The following WNK1 variants were observed in gnomAD, a reference collection of about 807,000 sequenced individuals.
WNK1 encodes the protein WNK lysine deficient protein kinase 1.
WNK1 carries 38 observed loss-of-function variants against 222.8 expected under a neutral mutation model. The ratio of observed to expected loss-of-function variants is 0.17; its 90% CI spans 0.13 to 0.22. The LOEUF is 0.22. Among genes scored for constraint, WNK1 ranks in the 10% least tolerant of loss-of-function variants. The pLI is 1.00. For missense variants in WNK1, 2,348 were observed against 2,918.4 expected, an observed-to-expected ratio of 0.80 and a Z score of 4.50; for synonymous variants, 1,090 against 1,092.9, an observed-to-expected ratio of 1.00 and a Z score of 0.05.
At chr12:840,110 C>T (rs1949507646) in intron 4 of WNK1, among the ~76,000 whole-genome samples, 2 of 151,772 alleles carry the variant, frequency 1.3e-5, no homozygotes, top group Non-Finnish European at 2.9e-5. Flanking sequence ...CAGCCCATGA[C>T]ATAAGTATGG....
At chr12:780,125 G>A (rs527779110) in intron 1 of WNK1, among the ~76,000 whole-genome samples, 2 of 152,114 alleles carry the variant, frequency 1.3e-5, no homozygotes, top group Non-Finnish European at 2.9e-5. Context: ...ATAAACCTTT[G>A]TTTGTAGTAT....
At chr12:873,168 C>T (rs907739326) in intron 9 of WNK1, among the ~76,000 whole-genome samples, 2 of 152,200 alleles carry the variant, frequency 1.3e-5, no homozygotes, top group Admixed American at 6.5e-5. Context: ...CACCAATGAA[C>T]TGAGCAAATT....
chr12:799,896 G>T (rs570110682), intron 1 of WNK1, among the ~76,000 whole-genome samples: 16 of 152,188 alleles, frequency 1.1e-4, no homozygotes, highest in African/African-American at 3.4e-4. Flanking sequence ...TGTTGGCCAG[G>T]CTGTTCTCAA....
Position 880,885 on chromosome 12 carries a change from G to A in WNK1, c.2997G>A (p.Val999=). Residue 999 remains valine, a synonymous_variant, in exon 12 of 28, where the codon GTG becomes GTA. Coordinates refer to ENST00000315939, the MANE Select transcript of WNK1 (RefSeq NM_018979.4). ...TTCCCACAGTGGTGCAGCCTTATGT[G>A]GAATCAAATCTTTTAGTTCCTATGG... ...GYFPTVVQPY[V]ESNLLVPMGG... 6.2e-7 allele frequency: 1 copy of A among 1,614,092 alleles called. No homozygotes were observed.
chr12:874,655 A>T (rs1952452298), intron 9 of WNK1, among the ~76,000 whole-genome samples: 1 of 152,170 alleles, frequency 6.6e-6, no homozygotes, highest in Non-Finnish European at 1.5e-5. Context: ...ACAAATAAGG[A>T]TAATAGCTAA....
intron 25 of WNK1, among the ~76,000 whole-genome samples, chr12:899,933 T>G (rs1187579331): frequency 6.6e-6 from 1 of 151,722 alleles, no homozygotes; most frequent in Non-Finnish European, 1.5e-5. Context: ...CTTACGCTGC[T>G]CAGACATGTG....
At position 884,288 on chromosome 12, in the gene WNK1, C is replaced by A. The variant is rs1953453193; in HGVS notation, c.3844+45C>A. 2 of 1,612,444 alleles carry A rather than the reference C, an allele frequency of 1.2e-6. No homozygotes were observed. Among genetic ancestry groups the A allele is most frequent in the South Asian group, 1.1e-5 (1 of 90,806 alleles). On this transcript the variant is annotated intron_variant, in intron 18 of 27. Coordinates refer to ENST00000315939, the MANE Select transcript of WNK1 (RefSeq NM_018979.4). The surrounding 1 kb of genome is among the most constrained non-coding windows in gnomAD (Gnocchi z 5.6). The stretch of plus-strand genomic sequence containing the variant: ...ACATTGTTATGTAAATTCTACAGTG[C>A]CTCTGCTATGTTGAAAGCTTAATCA...
chr12:881,457 C>G, intron 12 of WNK1: 1 of 552,822 alleles, frequency 1.8e-6, no homozygotes, highest in East Asian at 3.3e-5. Flanking sequence ...CACTGCCTAG[C>G]AGATATGTTG....
intron 4 of WNK1, among the ~76,000 whole-genome samples, chr12:847,716 G>A (rs1950118171): frequency 1.4e-5 from 2 of 139,382 alleles, no homozygotes; most frequent in African/African-American, 2.8e-5. Context: ...TGAAGGTGGT[G>A]CAGTGTATCT....
At position 858,080 on chromosome 12, in the gene WNK1, T is replaced by A. The variant is rs183250729; in HGVS notation, c.1400+831T>A. On this transcript the variant is annotated intron_variant, in intron 5 of 27. Transcript: ENST00000315939. ...ATTTAGAAGAGCTTAACTTCATGGT[T>A]TTTAAGCCTTTATTAAGTAAAAATT... is the stretch of plus-strand genomic sequence containing the variant. Among the ~76,000 whole-genome samples, 6 of 152,336 alleles carry A rather than the reference T, an allele frequency of 3.9e-5. No homozygotes were observed. The East Asian group carries it at 1.2e-3, about 29-fold the overall frequency.
In WNK1 at chr12:873,497, G is replaced by A. The variant is rs190361051; in HGVS notation, c.2223+2149G>A. On this transcript the variant is annotated intron_variant, in intron 9 of 27. Coordinates refer to ENST00000315939, the MANE Select transcript of WNK1 (RefSeq NM_018979.4). ...TGTAGAATCACAAAATTGAGCCCTC[G>A]ATATATATAGGAAGTGTATTCGGTC... 5.3e-5 allele frequency among the ~76,000 whole-genome samples: 8 copies of A among 152,166 alleles called. No individual in the cohort carries two copies. In the East Asian group the frequency reaches 1.2e-3, roughly 22 times the overall value.
At chr12:794,365 C>T (rs1455247638) in intron 1 of WNK1, among the ~76,000 whole-genome samples, 1 of 152,058 alleles carries the variant, frequency 6.6e-6, no homozygotes, top group Non-Finnish European at 1.5e-5. Flanking sequence ...ATTTTACATT[C>T]TCTACAGCAG....
intron 1 of WNK1, among the ~76,000 whole-genome samples, chr12:804,332 A>G (rs1027754249): frequency 1.3e-5 from 2 of 152,234 alleles, no homozygotes; most frequent in Non-Finnish European, 2.9e-5. Context: ...AGAAGTATAC[A>G]GTTTTGTGGC....
In WNK1 at chr12:884,571, G is replaced by A. The variant is rs910360102; in HGVS notation, c.3845-78G>A. 1.4e-6 allele frequency: 2 copies of A among 1,428,448 alleles called. No homozygotes were observed. The highest frequency in any genetic ancestry group is 2.8e-5 in the African/African-American group (2 of 71,194). The allele number at this position is 1,428,448 out of a possible 1,614,324, so 88.5% of individuals were successfully genotyped here. On this transcript the variant is annotated intron_variant, in intron 18 of 27. Coordinates refer to ENST00000315939, the MANE Select transcript of WNK1 (RefSeq NM_018979.4). This position sits in a 1 kb window ranked among gnomAD's most constrained non-coding sequence, Gnocchi z 5.6. Reference sequence around the variant, plus strand: ...TCAAAAACAGATATTTATAGGAGCTGACTTAGGCTAGCAGACAATCTTTTG... The same window carrying A: ...TCAAAAACAGATATTTATAGGAGCTAACTTAGGCTAGCAGACAATCTTTTG...
intron 1 of WNK1, among the ~76,000 whole-genome samples, chr12:793,362 G>A (rs1023071883): frequency 1.5e-4 from 23 of 152,176 alleles, no homozygotes; most frequent in Non-Finnish European, 2.8e-4. Context: ...AGGAGAAAAC[G>A]TGTTGGTTCT....
At chr12:776,463 C>T (rs936057570) in intron 1 of WNK1, among the ~76,000 whole-genome samples, 7 of 141,208 alleles carry the variant, frequency 5.0e-5, no homozygotes, top group African/African-American at 1.0e-4. Context: ...GATGGAGTCT[C>T]GCTTTATCCC....
chr12:765,638 A>T (rs2153935615), intron 1 of WNK1, among the ~76,000 whole-genome samples: 1 of 152,176 alleles, frequency 6.6e-6, no homozygotes, highest in Non-Finnish European at 1.5e-5. Flanking sequence ...TAAAAAATAT[A>T]ACGATATGAG....
Position 753,961 on chromosome 12 carries a change from G to A in WNK1, c.396G>A (p.Gln132=). 1.9e-6 allele frequency: 3 copies of A among 1,602,252 alleles called. No homozygotes were observed. The highest frequency in any genetic ancestry group is 1.1e-5 in the South Asian group (1 of 90,106). ...CCGTGACCGCCACCGCCACTTCCCA[G>A]GTAGCCCAGCAGCCTCCAGCCGCTG... ...EETVTATATS[Q]VAQQPPAAAA... is the part of the protein sequence containing the mutation. Residue 132 remains glutamine (Q), a synonymous_variant, in exon 1 of 28, where the codon CAG becomes CAA. Coordinates refer to ENST00000315939, the MANE Select transcript of WNK1 (RefSeq NM_018979.4). The surrounding 1 kb of genome is among the most constrained non-coding windows in gnomAD (Gnocchi z 5.2).
intron 21 of WNK1, 86 bp from the exon 22 acceptor site, chr12:890,367 A>T: frequency 7.3e-7 from 1 of 1,372,368 alleles, no homozygotes; most frequent in Non-Finnish European, 1.0e-6. Flanking sequence ...CTGCCCTTTT[A>T]CAAAGACCAT....
Sources: gnomAD v4.1 joint callset for allele counts (sites outside exome capture counted in the v4.1 genomes callset) on GRCh38, gnomAD v4.1.1 for gene constraint, Gnocchi (gnomAD v3.1) non-coding constraint, MANE v1.5 for transcripts, NCBI Gene and HGNC (gene_info 2026-07-23, HGNC 2026-07-21) for gene names.